Variants in COL5A2 observed in about 807,000 individuals in gnomAD.
COL5A2 encodes the protein collagen type V alpha 2 chain, also known as collagen alpha-2(V) chain.
COL5A2 carries 23 observed loss-of-function variants against 208.2 expected under a neutral mutation model. The ratio of observed to expected loss-of-function variants is 0.11; its 90% CI spans 0.08 to 0.16. The LOEUF is 0.16. Among genes scored for constraint, COL5A2 ranks in the 10% least tolerant of loss-of-function variants. The pLI is 1.00. For missense variants in COL5A2, 1,590 were observed against 1,956.4 expected, an observed-to-expected ratio of 0.81 and a Z score of 3.53; for synonymous variants, 625 against 628.5, an observed-to-expected ratio of 0.99 and a Z score of 0.08.
chr2:189,050,756 GC>G (rs1685768651), intron 42 of COL5A2, 80 bp from the exon 43 acceptor site: 1 of 1,196,296 alleles, frequency 8.4e-7, no homozygotes, highest in African/African-American at 1.5e-5. Context: ...GTTGGGTACA[GC>G]TTTACAGGTT....
the COL5A2 span, among the ~76,000 whole-genome samples, chr2:189,409,326 C>T: frequency 2.0e-5 from 3 of 146,738 alleles, no homozygotes; most frequent in East Asian, 6.5e-4. Context: ...ATTTTTCCAA[C>T]TCAGCCTCCT....
chr2:189,035,167 A>C lies in COL5A2; in HGVS notation c.4114-12T>G. On this transcript the variant is annotated splice_polypyrimidine_tract_variant and intron_variant, in intron 52 of 53. Coordinates refer to ENST00000374866, the MANE Select transcript of COL5A2 (RefSeq NM_000393.5). ...TCTCCATAAGCGAACTAGAAAAACA[A>C]AGAGTCTTTGTCATACACAAGACTG... 1 of 1,613,820 alleles carries C rather than the reference A, an allele frequency of 6.2e-7. No homozygotes were observed. The highest frequency in any genetic ancestry group is 8.5e-7 in the Non-Finnish European group (1 of 1,179,794).
At chr2:189,042,029 A>C (rs1297791492) in intron 49 of COL5A2, among the ~76,000 whole-genome samples, 5 of 152,198 alleles carry the variant, frequency 3.3e-5, no homozygotes, top group African/African-American at 1.2e-4. Context: ...CAGAAGTTGG[A>C]GTGTTTAAGT....
chr2:189,179,812 A>T, upstream of COL5A2: 1 of 719,104 alleles, frequency 1.4e-6, no homozygotes, highest in Non-Finnish European at 2.3e-6. Context: ...TGCTGCCTCC[A>T]CTTCTTTTCC....
chr2:189,111,588 T>A (rs369484822), intron 1 of COL5A2, among the ~76,000 whole-genome samples: 2 of 151,858 alleles, frequency 1.3e-5, no homozygotes, highest in East Asian at 3.9e-4. Context: ...CTGCAAAAAT[T>A]AGACTTCCTT....
intron 34 of COL5A2, 22 bp downstream of exon 34, chr2:189,057,290 GAAAAAAAA>G: frequency 1.4e-6 from 1 of 709,916 alleles, no homozygotes. Context: ...TAAATGAACT[GAAAAAAAA>G]AAAAAAAAAA....
chr2:189,062,884 G>C lies in COL5A2; in HGVS notation c.1958C>G (p.Ser653Cys). The change falls in exon 29 of 54, where the codon TCT (serine) becomes TGT (cysteine). Residue 653 changes from serine to cysteine, a missense_variant. Ser to Cys is a moderately radical substitution (Grantham distance 112, BLOSUM62 -1). Transcript: ENST00000374866. ...ACATACCGGCGGGCCCACAGGACCAGAAGGACCAACTTCACCATCTTTTCC... is the reference window on the plus strand; with the variant it reads ...ACATACCGGCGGGCCCACAGGACCACAAGGACCAACTTCACCATCTTTTCC... ...APGKDGEVGP[S>C]GPVGPPGLAG... 6.2e-7 allele frequency: 1 copy of C among 1,614,060 alleles called. No homozygotes were observed. Among genetic ancestry groups the C allele is most frequent in the Non-Finnish European group, 8.5e-7 (1 of 1,180,024 alleles).
At chr2:189,372,844 T>C in the COL5A2 span, among the ~76,000 whole-genome samples, 2 of 152,072 alleles carry the variant, frequency 1.3e-5, no homozygotes, top group Non-Finnish European at 2.9e-5. Flanking sequence ...AGGACAAGAG[T>C]TGACTTGTTA....
chr2:189,178,561 A>G (rs781546936), intron 1 of COL5A2, among the ~76,000 whole-genome samples: 2 of 152,068 alleles, frequency 1.3e-5, no homozygotes, highest in Non-Finnish European at 2.9e-5. Context: ...AACCCTCAAG[A>G]TTAAAGATTT....
chr2:189,385,279 T>C, the COL5A2 span, among the ~76,000 whole-genome samples: 1 of 152,132 alleles, frequency 6.6e-6, no homozygotes, highest in East Asian at 1.9e-4. Flanking sequence ...TCAGCAAAGT[T>C]TGAGAATGCC....
At chr2:189,061,487 C>A in intron 30 of COL5A2, 75 bp downstream of exon 30, 1 of 1,083,278 alleles carries the variant, frequency 9.2e-7, no homozygotes, top group South Asian at 1.3e-5. Flanking sequence ...AATCTTCTGA[C>A]CATATCTTTT....
chr2:189,057,880 G>C (rs567522510), intron 33 of COL5A2, among the ~76,000 whole-genome samples: 32 of 152,200 alleles, frequency 2.1e-4, no homozygotes, highest in African/African-American at 7.5e-4. Flanking sequence ...ATAATAAGGG[G>C]TCTCATGTCA....
intron 44 of COL5A2, 101 bp downstream of exon 44, chr2:189,049,246 G>A (rs981955545): frequency 1.2e-6 from 1 of 835,508 alleles, no homozygotes; most frequent in Non-Finnish European, 2.0e-6. Context: ...CTTTCTTAAG[G>A]TCAAATATGC....
At chr2:189,392,776 T>G in the COL5A2 span, among the ~76,000 whole-genome samples, 1 of 152,186 alleles carries the variant, frequency 6.6e-6, no homozygotes, top group Non-Finnish European at 1.5e-5. Context: ...GGTAACCATT[T>G]GAAGGACCAT....
At chr2:189,194,509 G>A (rs1251165300) in intron 1 of COL5A2, among the ~76,000 whole-genome samples, 1 of 152,152 alleles carries the variant, frequency 6.6e-6, no homozygotes, top group Non-Finnish European at 1.5e-5. Flanking sequence ...ACTACTTAAT[G>A]TGTGATGCTA....
the COL5A2 span, among the ~76,000 whole-genome samples, chr2:189,289,331 A>C: frequency 6.6e-6 from 1 of 151,784 alleles, no homozygotes; most frequent in African/African-American, 2.4e-5. Context: ...CCCGATCAAG[A>C]CTCTATCTAA....
the COL5A2 span, among the ~76,000 whole-genome samples, chr2:189,373,461 G>C: frequency 6.6e-6 from 1 of 152,084 alleles, no homozygotes; most frequent in Non-Finnish European, 1.5e-5. Flanking sequence ...ATTTCAATAT[G>C]ACCCCTGAGG....
chr2:189,323,303 G>A, the COL5A2 span, among the ~76,000 whole-genome samples: 1 of 151,914 alleles, frequency 6.6e-6, no homozygotes, highest in Non-Finnish European at 1.5e-5. Flanking sequence ...TCAACATAGT[G>A]TTGGAAGTTC....
the COL5A2 span, among the ~76,000 whole-genome samples, chr2:189,365,715 T>G: frequency 1.3e-5 from 2 of 152,218 alleles, no homozygotes; most frequent in Non-Finnish European, 2.9e-5. Flanking sequence ...ATTTAGAACA[T>G]GTCATTTAAA....
Sources: gnomAD v4.1 joint callset for allele counts (sites outside exome capture counted in the v4.1 genomes callset) on GRCh38, gnomAD v4.1.1 for gene constraint, MANE v1.5 for transcripts, NCBI Gene and HGNC (gene_info 2026-07-23, HGNC 2026-07-21) for gene names.